The following ASPHD2 variants were observed in gnomAD, a reference collection of about 807,000 sequenced individuals.
ASPHD2 encodes the protein aspartate beta-hydroxylase domain containing 2, also known as aspartate beta-hydroxylase domain-containing protein 2.
Under a neutral mutation model 34.6 loss-of-function variants are expected in ASPHD2, and 12 were observed. The ratio of observed to expected loss-of-function variants is 0.35; its 90% CI spans 0.22 to 0.56. The LOEUF (loss-of-function observed/expected upper bound fraction) is 0.56. Among genes scored for constraint, ASPHD2 ranks in the 20% least tolerant of loss-of-function variants. The probability of loss-of-function intolerance (pLI) is 0.87; values close to 1 mark genes in which losing one functional copy is unlikely to be tolerated. For missense variants in ASPHD2, 375 were observed against 505.0 expected (o/e 0.74, Z 2.47); for synonymous variants, 224 against 212.2 (o/e 1.06, Z -0.48).
chr22:26,444,254 G>A lies in ASPHD2; in HGVS notation c.*1048G>A, dbSNP rs1298006541. On this transcript the variant is annotated 3_prime_UTR_variant, in exon 4 of 4. Coordinates refer to ENST00000215906, the MANE Select transcript of ASPHD2 (RefSeq NM_020437.5). ...TTTTTTTTTTTTCATTTATTTGTCT[G>A]TACATAAATGTTCAAACACTAGACT... The A allele has an allele frequency of 6.7e-6, 1 of 148,948 alleles. No homozygotes were observed. The highest frequency in any genetic ancestry group is 2.1e-4 in the South Asian group (1 of 4,762). 9.2% of individuals were successfully genotyped at this position (148,948 alleles called of 1,614,324 possible).
At chr22:26,430,547 G>A (rs2084750428) in intron 1 of ASPHD2, among the ~76,000 whole-genome samples, 1 of 152,246 alleles carries the variant, frequency 6.6e-6, no homozygotes, top group South Asian at 2.1e-4. Flanking sequence ...CACTGGGCAA[G>A]GAGCTGTCGG....
intron 1 of ASPHD2, among the ~76,000 whole-genome samples, chr22:26,432,059 A>T (rs1447506892): frequency 2.0e-5 from 3 of 152,222 alleles, no homozygotes; most frequent in Admixed American, 1.3e-4. Flanking sequence ...GCTGGGTGTG[A>T]TGGCGCATGC....
chr22:26,433,905 A>T lies in ASPHD2; in HGVS notation c.290A>T (p.Asp97Val), dbSNP rs761312166. Residue 97 changes from aspartate (D) to valine (V), a missense_variant, in exon 2 of 4, where the codon GAT (aspartate) becomes GTT (valine). Asp to Val is a radical substitution (Grantham distance 152). This residue lies in a region of ASPHD2 where 223 missense variants were observed against 257.8 expected (regional missense o/e 0.87). Coordinates refer to ENST00000215906, the MANE Select transcript of ASPHD2 (RefSeq NM_020437.5). This position sits in a 1 kb window ranked among gnomAD's most constrained non-coding sequence, Gnocchi z 5.1. ...GTCAACTCCCTCATGCAGGCTGCCG[A>T]TGCCAACGGGCTGCAGAATGGCTAC... ...VSVNSLMQAADANGLQNGYVY... is the reference protein window; with the variant it reads ...VSVNSLMQAAVANGLQNGYVY... 4.3e-6 allele frequency: 7 copies of T among 1,613,684 alleles called. No individual in the cohort carries two copies. The South Asian group carries it at 7.7e-5, about 18-fold the overall frequency.
At position 26,444,185 on chromosome 22, in the gene ASPHD2, C is replaced by G. The variant is rs1053526661; in HGVS notation, c.*979C>G. On this transcript the variant is annotated 3_prime_UTR_variant, in exon 4 of 4. Coordinates refer to ENST00000215906, the MANE Select transcript of ASPHD2 (RefSeq NM_020437.5). ...CTCTGGCAAAACTGGAATAATAGAT[C>G]TGACCAAAGTTTCTGTTTTGCTTTG... 2 of 151,730 alleles carry G rather than the reference C, an allele frequency of 1.3e-5. No homozygotes were observed. Among genetic ancestry groups the G allele is most frequent in the Non-Finnish European group, 2.9e-5 (2 of 67,986 alleles). 9.4% of individuals were successfully genotyped at this position (151,730 alleles called of 1,614,324 possible). A position where few individuals can be genotyped will look rare whatever the true frequency, so the allele number is the denominator to read the frequency against.
At position 26,433,697 on chromosome 22, in the gene ASPHD2, T is replaced by A. The variant is rs1241356648; in HGVS notation, c.82T>A (p.Ser28Thr). 1 of 1,614,138 alleles carries A rather than the reference T, an allele frequency of 6.2e-7. No individual in the cohort carries two copies. Residue 28 changes from serine (S) to threonine (T), a missense_variant, in exon 2 of 4, where the codon TCG becomes ACG. Transcript: ENST00000215906. The surrounding 1 kb of genome is among the most constrained non-coding windows in gnomAD (Gnocchi z 5.1). ...GCCCAGTAAGGACTCCCCCAAGATG[T>A]CGCTCGAGTGGCTGGTGGCCTGGAG... is the stretch of plus-strand genomic sequence containing the variant. ...HTPSKDSPKMSLEWLVAWSWS... is the reference protein window; with the variant it reads ...HTPSKDSPKMTLEWLVAWSWS...
chr22:26,441,478 T>TAAAA (rs34554219), intron 2 of ASPHD2, among the ~76,000 whole-genome samples: 6,600 of 95,510 alleles, frequency 0.069, 354 homozygotes, highest in Non-Finnish European at 0.081. Context: ...ACCTTGTATC[T>TAAAA]AAAAAAAAAA....
intron 2 of ASPHD2, among the ~76,000 whole-genome samples, chr22:26,441,478 TAAAA>T (rs34554219): frequency 1.0e-5 from 1 of 95,622 alleles, no homozygotes; most frequent in Non-Finnish European, 1.9e-5. Flanking sequence ...ACCTTGTATC[TAAAA>T]AAAAAAAAAA....
At chr22:26,436,500 G>A (rs1240357044) in intron 2 of ASPHD2, among the ~76,000 whole-genome samples, 1 of 152,166 alleles carries the variant, frequency 6.6e-6, no homozygotes, top group Non-Finnish European at 1.5e-5. Flanking sequence ...GCGAGGGAGC[G>A]GAATCATCCC....
At chr22:26,442,806 G>A (rs951373231) in intron 3 of ASPHD2, among the ~76,000 whole-genome samples, 1 of 152,124 alleles carries the variant, frequency 6.6e-6, no homozygotes, top group African/African-American at 2.4e-5. Flanking sequence ...TCGCCAAATG[G>A]ATAATGACAC....
Position 26,434,477 on chromosome 22 carries a change from A to G in ASPHD2, c.862A>G (p.Asn288Asp). The G allele has an allele frequency of 6.3e-7, 1 of 1,592,554 alleles. No homozygotes were observed. The highest frequency in any genetic ancestry group is 1.3e-5 in the African/African-American group (1 of 74,344). The change falls in exon 2 of 4, where the codon AAC becomes GAC. Residue 288 changes from asparagine to aspartate, a missense_variant. Coordinates refer to ENST00000215906, the MANE Select transcript of ASPHD2 (RefSeq NM_020437.5). ...GATAACGGAGCACTATGGACCCACC[A>G]ACATCCGCATCCGATGCCATTTAGG... ...TVITEHYGPT[N>D]IRIRCHLGLK... is the part of the protein sequence containing the mutation.
chr22:26,439,407 T>A (rs536576829), intron 2 of ASPHD2, among the ~76,000 whole-genome samples: 127 of 151,878 alleles, frequency 8.4e-4, no homozygotes, highest in Non-Finnish European at 1.5e-3. Flanking sequence ...TCAAAAAAAA[T>A]AATAATAAAT....
Position 26,443,134 on chromosome 22 carries a change from G to A in ASPHD2, c.1038G>A (p.Val346=). The A allele has an allele frequency of 6.2e-7, 1 of 1,614,194 alleles. No individual in the cohort carries two copies. Among genetic ancestry groups the A allele is most frequent in the East Asian group, 2.2e-5 (1 of 44,870 alleles). The stretch of plus-strand genomic sequence containing the variant: ...ATGGCCCACGGGTGGTTTTCATGGT[G>A]GATTTGTGGCATCCAAACGTCGCAG... ...AEDGPRVVFM[V]DLWHPNVAAA... The change falls in exon 4 of 4, where the codon GTG becomes GTA. Residue 346 remains valine (V), a synonymous_variant. Transcript: ENST00000215906.
In ASPHD2 at chr22:26,429,840, A is replaced by G. The variant is rs2084746137; in HGVS notation, c.-225+354A>G. ...CCTGTCCCCTCCCCCAGCCCTCAGC[A>G]TCACCCACTTCCCATATTTCACGTG... On this transcript the variant is annotated intron_variant, in intron 1 of 3. Transcript: ENST00000215906. This position sits in a 1 kb window ranked among gnomAD's most constrained non-coding sequence, Gnocchi z 4.5. 6.6e-6 allele frequency among the ~76,000 whole-genome samples: 1 copy of G among 150,608 alleles called. No individual in the cohort carries two copies. Among genetic ancestry groups the G allele is most frequent in the South Asian group, 2.1e-4 (1 of 4,778 alleles).
intron 2 of ASPHD2, among the ~76,000 whole-genome samples, chr22:26,440,866 A>G (rs895752513): frequency 6.6e-6 from 1 of 152,232 alleles, no homozygotes. Flanking sequence ...AAACACAGTT[A>G]CTGGGTAAGG....
chr22:26,442,616 CTT>C (rs1342744292), intron 3 of ASPHD2, 44 bp downstream of exon 3: 8 of 1,452,444 alleles, frequency 5.5e-6, no homozygotes, highest in Non-Finnish European at 7.5e-6. Context: ...AATGAATAGA[CTT>C]TTATTTTTTT....
intron 2 of ASPHD2, among the ~76,000 whole-genome samples, chr22:26,438,050 AGCCAGCAGGCCAG>A (rs1418924815): frequency 6.6e-6 from 1 of 152,210 alleles, no homozygotes; most frequent in East Asian, 1.9e-4. Flanking sequence ...GGGGGTGTCA[AGCCAGCAGGCCAG>A]GCCATTTTTC....
chr22:26,429,646 C>A lies in ASPHD2; in HGVS notation c.-225+160C>A, dbSNP rs1182907674. Among the ~76,000 whole-genome samples, 3 of 151,824 alleles carry A rather than the reference C, an allele frequency of 2.0e-5. No homozygotes were observed. The highest frequency in any genetic ancestry group is 4.1e-4 in the South Asian group (2 of 4,824). ...CCCCCGCCGAGGATGCTCCGGGACC[C>A]GGGCGCCCGCATCCCGGCCCGGCCG... On this transcript the variant is annotated intron_variant, in intron 1 of 3. Coordinates refer to ENST00000215906, the MANE Select transcript of ASPHD2 (RefSeq NM_020437.5). This position sits in a 1 kb window ranked among gnomAD's most constrained non-coding sequence, Gnocchi z 4.5.
At chr22:26,441,408 G>A (rs1246334779) in intron 2 of ASPHD2, among the ~76,000 whole-genome samples, 1 of 149,464 alleles carries the variant, frequency 6.7e-6, no homozygotes, top group African/African-American at 2.5e-5. Context: ...AGCCTAGGAG[G>A]TGAAGGCTGC....
intron 2 of ASPHD2, among the ~76,000 whole-genome samples, chr22:26,435,872 G>A (rs1415815606): frequency 2.6e-5 from 4 of 152,218 alleles, no homozygotes; most frequent in East Asian, 3.8e-4. Flanking sequence ...GCAGTCAGCC[G>A]TGAGACTTTG....
Sources: gnomAD v4.1 joint callset for allele counts (sites outside exome capture counted in the v4.1 genomes callset) on GRCh38, gnomAD v4.1.1 for gene constraint, gnomAD v4.1.1 regional missense constraint, Gnocchi (gnomAD v3.1) non-coding constraint, MANE v1.5 for transcripts, NCBI Gene and HGNC (gene_info 2026-07-23, HGNC 2026-07-21) for gene names.